LAMA2: variants seen among roughly 807,000 people sequenced by gnomAD.
LAMA2 encodes laminin subunit alpha-2.
LAMA2 carries 269 observed loss-of-function variants against 364.8 expected under a neutral mutation model. The ratio of observed to expected loss-of-function variants is 0.74; its 90% CI spans 0.67 to 0.82. The LOEUF is 0.82. Among genes scored for constraint, LAMA2 ranks in the 40% least tolerant of loss-of-function variants. The pLI, the probability that LAMA2 is intolerant of heterozygous loss-of-function variation, is 0.00. For synonymous variants in LAMA2, 1,379 were observed against 1,370.6 expected (o/e 1.01, Z -0.14); for missense variants, 3,807 against 3,873.2 (o/e 0.98, Z 0.45).
intron 61 of LAMA2, among the ~76,000 whole-genome samples, chr6:129,506,578 T>G (rs942042490): frequency 6.6e-6 from 1 of 152,108 alleles, no homozygotes; most frequent in Non-Finnish European, 1.5e-5. Context: ...CACAAAATAA[T>G]TTTTTATTAG....
chr6:129,311,691 A>G (rs1003655014), intron 22 of LAMA2, among the ~76,000 whole-genome samples: 1 of 152,224 alleles, frequency 6.6e-6, no homozygotes, highest in African/African-American at 2.4e-5. Context: ...ATTAAATTGC[A>G]AGAAGATATG....
At chr6:129,113,212 A>G (rs1209467690) in intron 4 of LAMA2, among the ~76,000 whole-genome samples, 1 of 152,096 alleles carries the variant, frequency 6.6e-6, no homozygotes, top group Non-Finnish European at 1.5e-5. Context: ...CTCTGTCACT[A>G]GAATTGCAGT....
At chr6:129,390,117 G>A (rs1473564209) in intron 35 of LAMA2, among the ~76,000 whole-genome samples, 2 of 152,306 alleles carry the variant, frequency 1.3e-5, no homozygotes, top group South Asian at 4.2e-4. Context: ...ATTGTGGAAA[G>A]GGTATATTAG....
At chr6:129,141,262 T>C (rs1367730684) in intron 4 of LAMA2, among the ~76,000 whole-genome samples, 1 of 152,000 alleles carries the variant, frequency 6.6e-6, no homozygotes, top group Non-Finnish European at 1.5e-5. Flanking sequence ...ATCCATTCTT[T>C]TAACATTTAA....
intron 4 of LAMA2, among the ~76,000 whole-genome samples, chr6:129,099,441 CAATATTT>C (rs1242575798): frequency 1.3e-5 from 2 of 152,004 alleles, no homozygotes; most frequent in Non-Finnish European, 2.9e-5. Flanking sequence ...TTGAATTATT[CAATATTT>C]CTTTAGTATG....
chr6:129,360,412 T>A (rs2114608023), intron 32 of LAMA2, among the ~76,000 whole-genome samples: 1 of 152,280 alleles, frequency 6.6e-6, no homozygotes, highest in Admixed American at 6.5e-5. Flanking sequence ...TGTGTCAGAA[T>A]AAAATAGCAA....
chr6:129,388,865 T>C (rs997821215), intron 35 of LAMA2, among the ~76,000 whole-genome samples: 2 of 152,164 alleles, frequency 1.3e-5, no homozygotes, highest in African/African-American at 2.4e-5. Context: ...GCACTCAGAC[T>C]AAAGGATGAG....
intron 48 of LAMA2, among the ~76,000 whole-genome samples, chr6:129,458,385 G>A (rs1217845928): frequency 6.6e-6 from 1 of 151,908 alleles, no homozygotes; most frequent in Non-Finnish European, 1.5e-5. Context: ...ATGAACAAAT[G>A]AAATCTATAG....
Position 128,893,982 on chromosome 6 carries a change from A to G in LAMA2, c.112+10625A>G, listed in dbSNP as rs550272058. Among the ~76,000 whole-genome samples, 20 of 152,226 alleles carry G rather than the reference A, an allele frequency of 1.3e-4. No homozygotes were observed. In the South Asian group the frequency reaches 3.9e-3, roughly 30 times the overall value. Reference sequence around the variant, plus strand: ...ATTATTTTGGTTTAAGCATATTAAGAAATATATAACAACAAACATAGATAA... The same window carrying G: ...ATTATTTTGGTTTAAGCATATTAAGGAATATATAACAACAAACATAGATAA... On this transcript the variant is annotated intron_variant, in intron 1 of 64. Coordinates refer to ENST00000421865, the MANE Select transcript of LAMA2 (RefSeq NM_000426.4).
chr6:129,263,368 A>G (rs756675927), intron 15 of LAMA2, among the ~76,000 whole-genome samples: 7 of 152,188 alleles, frequency 4.6e-5, no homozygotes, highest in Non-Finnish European at 1.0e-4. Context: ...ACAGGGTTCT[A>G]TGATAAAGTT....
chr6:129,139,917 G>C (rs1160017908), intron 4 of LAMA2, among the ~76,000 whole-genome samples: 1 of 152,054 alleles, frequency 6.6e-6, no homozygotes, highest in East Asian at 1.9e-4. Flanking sequence ...TTTTAGGAGA[G>C]AGCATACCAC....
intron 1 of LAMA2, among the ~76,000 whole-genome samples, chr6:128,987,823 T>A (rs1783362388): frequency 6.6e-6 from 1 of 152,140 alleles, no homozygotes; most frequent in Non-Finnish European, 1.5e-5. Context: ...TGAGATGACA[T>A]CCATGAAACA....
intron 33 of LAMA2, among the ~76,000 whole-genome samples, chr6:129,366,942 C>T (rs1045332517): frequency 6.6e-6 from 1 of 152,160 alleles, no homozygotes; most frequent in African/African-American, 2.4e-5. Context: ...GCCATAGGCT[C>T]AAACACACAG....
intron 4 of LAMA2, among the ~76,000 whole-genome samples, chr6:129,130,800 A>G (rs1777426450): frequency 6.6e-6 from 1 of 152,186 alleles, no homozygotes; most frequent in African/African-American, 2.4e-5. Flanking sequence ...TACAGGTGCC[A>G]TTTTATAAAC....
At chr6:129,242,609 CAT>C (rs1295124084) in intron 12 of LAMA2, among the ~76,000 whole-genome samples, 1 of 152,042 alleles carries the variant, frequency 6.6e-6, no homozygotes, top group Non-Finnish European at 1.5e-5. Context: ...TTATGGATAA[CAT>C]GTATTTTTTG....
At chr6:129,297,976 CATA>C in intron 21 of LAMA2, 111 bp downstream of exon 21, 1 of 789,074 alleles carries the variant, frequency 1.3e-6, no homozygotes, top group Non-Finnish European at 2.0e-6. Flanking sequence ...ACGTATTTAA[CATA>C]ATGAGTAATG....
chr6:129,109,969 C>CA (rs1209714905), intron 4 of LAMA2, among the ~76,000 whole-genome samples: 1 of 151,686 alleles, frequency 6.6e-6, no homozygotes, highest in Non-Finnish European at 1.5e-5. Flanking sequence ...AGTTTTGATC[C>CA]AAAAAAACTT....
chr6:129,158,746 A>G lies in LAMA2; in HGVS notation c.1206+4063A>G, dbSNP rs1313178496. 3.1e-6 allele frequency: 5 copies of G among 1,614,100 alleles called. No individual in the cohort carries two copies. The African/African-American group carries it at 5.3e-5, about 17-fold the overall frequency. On this transcript the variant is annotated intron_variant, in intron 8 of 64. Transcript: ENST00000421865. The stretch of plus-strand genomic sequence containing the variant: ...AATACTGGTTACATAAATTGGTCCG[A>G]CAACATTCTATTGTCCGGCGTAGCT...
chr6:129,389,856 C>G (rs936215209), intron 35 of LAMA2, among the ~76,000 whole-genome samples: 1 of 152,264 alleles, frequency 6.6e-6, no homozygotes, highest in Admixed American at 6.5e-5. Context: ...CACCACCCAC[C>G]AGGCCCCTCC....
Sources: allele counts gnomAD v4.1 joint callset (sites outside exome capture counted in the v4.1 genomes callset), GRCh38; gene constraint gnomAD v4.1.1; transcripts MANE v1.5; gene names NCBI Gene and HGNC (gene_info 2026-07-23, HGNC 2026-07-21).